PCDH8: variants seen among roughly 807,000 people sequenced by gnomAD.
The protein encoded by PCDH8 is protocadherin 8.
Under a neutral mutation model 58.2 loss-of-function variants are expected in PCDH8, and 36 were observed. The observed-to-expected ratio is 0.62, with a 90% CI of 0.47 to 0.82. PCDH8 has a LOEUF of 0.82. PCDH8 is among the 40% of genes least tolerant of loss of function. The pLI, the probability that PCDH8 is intolerant of heterozygous loss-of-function variation, is 0.00. For synonymous variants in PCDH8, 775 were observed against 728.9 expected, an observed-to-expected ratio of 1.06 and a Z score of -1.02; for missense variants, 1,493 against 1,567.8, an observed-to-expected ratio of 0.95 and a Z score of 0.81.
Position 52,846,933 on chromosome 13 carries a change from A to G in PCDH8, c.1504T>C (p.Tyr502His). Reference protein sequence around the residue: ...DNAPLFTRPVYEVSVRENNPP... With the variant: ...DNAPLFTRPVHEVSVRENNPP... ...TTGTTCTCGCGCACCGACACCTCAT[A>G]GACCGGCCGCGTGAAGAGCGGCGCG... The change falls in exon 1 of 3, where the codon TAT becomes CAT. Residue 502 changes from tyrosine to histidine, a missense_variant. This residue lies in a region of PCDH8 where 1,307 missense variants were observed against 1,362.7 expected (regional missense o/e 0.96). Coordinates refer to ENST00000377942, the MANE Select transcript of PCDH8 (RefSeq NM_002590.4). The G allele has an allele frequency of 6.3e-7, 1 of 1,595,072 alleles. No homozygotes were observed. The highest frequency in any genetic ancestry group is 8.5e-7 in the Non-Finnish European group (1 of 1,173,676).
Position 52,847,179 on chromosome 13 carries a change from C to T in PCDH8, c.1258G>A (p.Asp420Asn). ...CGCACTTGCCCGTTGGCGCCCGAGT[C>T]CCTGTCCGAGGTGCTGACCAGGGCC... ...LVALVSTSDR[D>N]SGANGQVRCA... Residue 420 changes from aspartate to asparagine, a missense_variant, in exon 1 of 3, where the codon GAC becomes AAC. Around this residue, in one of 3 missense-constraint regions of PCDH8, gnomAD observed 1,307 missense variants for 1,362.7 expected, o/e 0.96. Transcript: ENST00000377942. 6.7e-7 allele frequency: 1 copy of T among 1,488,934 alleles called. No homozygotes were observed. Among genetic ancestry groups the T allele is most frequent in the Non-Finnish European group, 8.9e-7 (1 of 1,127,994 alleles). 92.2% of individuals were successfully genotyped at this position (1,488,934 alleles called of 1,614,324 possible).
At position 52,846,894 on chromosome 13, in the gene PCDH8, A is replaced by G; in HGVS notation, c.1543T>C (p.Tyr515His). Residue 515 changes from tyrosine (Y) to histidine (H), a missense_variant, in exon 1 of 3, where the codon TAC becomes CAC. Transcript: ENST00000377942. ...TCGCGGGCGGCCACCGTGGCCAGGT[A>G]GGCGCCTGGCGGGTTGTTCTCGCGC... is the stretch of plus-strand genomic sequence containing the variant. ...SVRENNPPGA[Y>H]LATVAARDRD... 1 of 1,571,030 alleles carries G rather than the reference A, an allele frequency of 6.4e-7. No homozygotes were observed. Among genetic ancestry groups the G allele is most frequent in the South Asian group, 1.2e-5 (1 of 86,770 alleles).
At position 52,843,560 on chromosome 13, in the gene PCDH8, A is replaced by G. The variant is rs1593423390; in HGVS notation, c.*1000T>C. 1 of 152,186 alleles carries G rather than the reference A, an allele frequency of 6.6e-6. No homozygotes were observed. The highest frequency in any genetic ancestry group is 2.4e-5 in the African/African-American group (1 of 41,454). 9.4% of individuals were successfully genotyped at this position (152,186 alleles called of 1,614,324 possible). ...AGTCTTTTTGATACTAACACCCCGA[A>G]TAAGCTGAGGGCTCTTTGGGACTAC... is the stretch of plus-strand genomic sequence containing the variant. On this transcript the variant is annotated 3_prime_UTR_variant, in exon 3 of 3. Coordinates refer to ENST00000377942, the MANE Select transcript of PCDH8 (RefSeq NM_002590.4).
rs1205787441 is a variant in PCDH8, at chr13:52,846,332, G to A, written c.2105C>T (p.Thr702Ile). ...ISDGGRPPLTTTATVSFVVTA... is the reference protein window; with the variant it reads ...ISDGGRPPLTITATVSFVVTA... ...TACCACGAAGCTGACAGTTGCGGTG[G>A]TGGTGAGCGGGGGACGGCCGCCGTC... Residue 702 changes from threonine (T) to isoleucine (I), a missense_variant, in exon 1 of 3, where the codon ACC (threonine) becomes ATC (isoleucine). By Grantham distance (89) the Thr-to-Ile change is moderately conservative. Around this residue, in one of 3 missense-constraint regions of PCDH8, gnomAD observed 1,307 missense variants for 1,362.7 expected, o/e 0.96. Coordinates refer to ENST00000377942, the MANE Select transcript of PCDH8 (RefSeq NM_002590.4). 1 of 1,568,010 alleles carries A rather than the reference G, an allele frequency of 6.4e-7. No homozygotes were observed. The highest frequency in any genetic ancestry group is 2.3e-5 in the East Asian group (1 of 44,004).
intron 1 of PCDH8, 73 bp from the exon 2 acceptor site, chr13:52,845,705 G>C: frequency 6.4e-7 from 1 of 1,555,144 alleles, no homozygotes; most frequent in Non-Finnish European, 8.7e-7. Flanking sequence ...AAGTGCGACA[G>C]GTTGTCTACC....
chr13:52,844,853 C>T lies in PCDH8; in HGVS notation c.2920G>A (p.Ala974Thr), dbSNP rs141509995. 1.1e-5 allele frequency: 18 copies of T among 1,602,434 alleles called. No homozygotes were observed. Among genetic ancestry groups the T allele is most frequent in the African/African-American group, 9.3e-5 (7 of 74,928 alleles). ...CWSPSCSGPNAHPSPHPPAQM... is the reference protein window; with the variant it reads ...CWSPSCSGPNTHPSPHPPAQM... ...GCTGGTGGGTGAGGCGATGGATGTGCGTTGGGCCCGCTGCAGGATGGGCTC... is the reference window on the plus strand; with the variant it reads ...GCTGGTGGGTGAGGCGATGGATGTGTGTTGGGCCCGCTGCAGGATGGGCTC... The change falls in exon 3 of 3, where the codon GCA (alanine) becomes ACA (threonine). Residue 974 changes from alanine (A) to threonine (T), a missense_variant. By Grantham distance (58) the Ala-to-Thr change is moderately conservative. This residue lies in a region of PCDH8 where 182 missense variants were observed against 178.9 expected (regional missense o/e 1.02). Coordinates refer to ENST00000377942, the MANE Select transcript of PCDH8 (RefSeq NM_002590.4).
chr13:52,845,450 C>CT lies in PCDH8; in HGVS notation c.2813dup (p.Asp939GlyfsTer16). On this transcript the variant is annotated frameshift_variant, in exon 2 of 3. Coordinates refer to ENST00000377942, the MANE Select transcript of PCDH8 (RefSeq NM_002590.4). LOFTEE classifies it high-confidence loss of function. ...CACTCTGCATGTGGTTGATGAGATC[C>CT]TTTTTCAGAGCGTCCCCGCTGATGT... 6.2e-7 allele frequency: 1 copy of CT among 1,614,188 alleles called. No homozygotes were observed. Among genetic ancestry groups the CT allele is most frequent in the Non-Finnish European group, 8.5e-7 (1 of 1,180,036 alleles).
chr13:52,846,214 C>T lies in PCDH8; in HGVS notation c.2223G>A (p.Gly741=). Residue 741 remains glycine (G), a synonymous_variant, in exon 1 of 3, where the codon GGG becomes GGA. Coordinates refer to ENST00000377942, the MANE Select transcript of PCDH8 (RefSeq NM_002590.4). ...GCGGCGTGTCCCATTGCAGCACCGA[C>T]CCGGACACCCCGAGCCGAGAGCCAG... ...RPPGSRLGVS[G]SVLQWDTPLI... 6.3e-7 allele frequency: 1 copy of T among 1,586,604 alleles called. No homozygotes were observed. Among genetic ancestry groups the T allele is most frequent in the African/African-American group, 1.4e-5 (1 of 74,022 alleles).
chr13:52,847,858 C>A lies in PCDH8; in HGVS notation c.579G>T (p.Gln193His). The A allele has an allele frequency of 6.6e-7, 1 of 1,511,704 alleles. No individual in the cohort carries two copies. The highest frequency in any genetic ancestry group is 8.8e-7 in the Non-Finnish European group (1 of 1,134,820). 93.6% of individuals were successfully genotyped at this position (1,511,704 alleles called of 1,614,324 possible). A position where few individuals can be genotyped will look rare whatever the true frequency, so the allele number is the denominator to read the frequency against. Residue 193 changes from glutamine to histidine, a missense_variant, in exon 1 of 3, where the codon CAG (glutamine) becomes CAT (histidine). By Grantham distance (24) the Gln-to-His change is conservative. Coordinates refer to ENST00000377942, the MANE Select transcript of PCDH8 (RefSeq NM_002590.4). The stretch of plus-strand genomic sequence containing the variant: ...CCTGCAGCAGCACCAGGTCTGCGCA[C>A]TGAGCGCCGTCCGCTCGCGTCTGCA... ...VELQTRADGA[Q>H]CADLVLLQEL...
chr13:52,847,009 C>A lies in PCDH8; in HGVS notation c.1428G>T (p.Pro476=), dbSNP rs974795440. ...CCGTGTAGGGCCGCACTGTGCGCAGCGGGGGCGCGCCGCGATCCTCGGCCA... is the reference window on the plus strand; with the variant it reads ...CCGTGTAGGGCCGCACTGTGCGCAGAGGGGGCGCGCCGCGATCCTCGGCCA... ...TLVAEDRGAP[P]LRTVRPYTVR... The change falls in exon 1 of 3, where the codon CCG becomes CCT. Residue 476 remains proline (P), a synonymous_variant. Transcript: ENST00000377942. The A allele has an allele frequency of 6.4e-7, 1 of 1,569,188 alleles. No individual in the cohort carries two copies. Among genetic ancestry groups the A allele is most frequent in the Non-Finnish European group, 8.6e-7 (1 of 1,161,486 alleles).
chr13:52,848,028 T>C lies in PCDH8; in HGVS notation c.409A>G (p.Arg137Gly). 1 of 1,611,358 alleles carries C rather than the reference T, an allele frequency of 6.2e-7. No homozygotes were observed. Among genetic ancestry groups the C allele is most frequent in the Non-Finnish European group, 8.5e-7 (1 of 1,178,652 alleles). The change falls in exon 1 of 3, where the codon AGG (arginine) becomes GGG (glycine). Residue 137 changes from arginine to glycine, a missense_variant. Around this residue, in one of 3 missense-constraint regions of PCDH8, gnomAD observed 1,307 missense variants for 1,362.7 expected, o/e 0.96. Coordinates refer to ENST00000377942, the MANE Select transcript of PCDH8 (RefSeq NM_002590.4). ...DVNDHAPRFPRAQIPVEVSEG... is the reference protein window; with the variant it reads ...DVNDHAPRFPGAQIPVEVSEG... ...GACACCTCTACCGGGATCTGGGCCC[T>C]GGGGAAGCGCGGCGCGTGGTCGTTG...
In PCDH8 at chr13:52,847,399, G is replaced by A. The variant is rs748227039; in HGVS notation, c.1038C>T (p.Asp346=). The change falls in exon 1 of 3, where the codon GAC becomes GAT. Residue 346 remains aspartate, a synonymous_variant. Transcript: ENST00000377942. The part of the protein sequence containing the change: ...ATCKVIVRIR[D]VNDNAPDIAI... ...CGATGTCGGGTGCGTTGTCATTGAC[G>A]TCTCGGATGCGCACGATGACCTTGC... The A allele has an allele frequency of 9.6e-6, 15 of 1,562,484 alleles. No individual in the cohort carries two copies. The highest frequency in any genetic ancestry group is 1.3e-5 in the Non-Finnish European group (15 of 1,162,258).
chr13:52,846,177 T>C lies in PCDH8; in HGVS notation c.2260A>G (p.Ile754Val), dbSNP rs2138354216. Residue 754 changes from isoleucine (I) to valine (V), a missense_variant, in exon 1 of 3, where the codon ATC becomes GTC. Physicochemically the swap from Ile to Val is conservative, Grantham distance 29. This residue lies in a region of PCDH8 where 1,307 missense variants were observed against 1,362.7 expected (regional missense o/e 0.96). Transcript: ENST00000377942. ...LQWDTPLIVI[I>V]VLAGSCTLLL... ...AGCGTGCAGCTCCCGGCCAGCACGATGATGACGATCAGCGGCGTGTCCCAT... is the reference window on the plus strand; with the variant it reads ...AGCGTGCAGCTCCCGGCCAGCACGACGATGACGATCAGCGGCGTGTCCCAT... The C allele has an allele frequency of 6.3e-7, 1 of 1,586,998 alleles. No individual in the cohort carries two copies. Among genetic ancestry groups the C allele is most frequent in the East Asian group, 2.3e-5 (1 of 43,622 alleles).
Position 52,846,692 on chromosome 13 carries a change from C to T in PCDH8, c.1745G>A (p.Ser582Asn). The T allele has an allele frequency of 6.2e-7, 1 of 1,600,262 alleles. No homozygotes were observed. The highest frequency in any genetic ancestry group is 8.5e-7 in the Non-Finnish European group (1 of 1,177,212). ...GGAAAGCTGAGGGGAGCCGCCGTCG[C>T]TAGCTTGGATGCGAACGTCGAGTTG... is the stretch of plus-strand genomic sequence containing the variant. ...LRQLDVRIQA[S>N]DGGSPQLSSS... is the part of the protein sequence containing the mutation. Residue 582 changes from serine to asparagine, a missense_variant, in exon 1 of 3, where the codon AGC (serine) becomes AAC (asparagine). Ser to Asn is a conservative substitution (Grantham distance 46). Around this residue, in one of 3 missense-constraint regions of PCDH8, gnomAD observed 1,307 missense variants for 1,362.7 expected, o/e 0.96. Coordinates refer to ENST00000377942, the MANE Select transcript of PCDH8 (RefSeq NM_002590.4).
At position 52,845,913 on chromosome 13, in the gene PCDH8, G is replaced by A. The variant is rs1389091723; in HGVS notation, c.2524C>T (p.Pro842Ser). ...GGCACTTCGGCCGCGGCGACCGCAG[G>A]CGGAGGCGCGTCCGCCGCGGGGCTG... ...FGSPAADAPP[P>S]AVAAAEVPGS... The change falls in exon 1 of 3, where the codon CCT (proline) becomes TCT (serine). Residue 842 changes from proline to serine, a missense_variant. Pro to Ser is a moderately conservative substitution (Grantham distance 74). This residue lies in a region of PCDH8 where 1,307 missense variants were observed against 1,362.7 expected (regional missense o/e 0.96). Coordinates refer to ENST00000377942, the MANE Select transcript of PCDH8 (RefSeq NM_002590.4). 6.1e-6 allele frequency: 9 copies of A among 1,477,594 alleles called. No individual in the cohort carries two copies. Among genetic ancestry groups the A allele is most frequent in the African/African-American group, 1.5e-5 (1 of 67,536 alleles). 91.5% of individuals were successfully genotyped at this position (1,477,594 alleles called of 1,614,324 possible).
Position 52,846,133 on chromosome 13 carries a change from G to T in PCDH8, c.2304C>A (p.Ile768=). 1 of 1,582,370 alleles carries T rather than the reference G, an allele frequency of 6.3e-7. No individual in the cohort carries two copies. Among genetic ancestry groups the T allele is most frequent in the South Asian group, 1.1e-5 (1 of 88,828 alleles). ...GSCTLLLAAI[I]AIATTCNRRK... is the part of the protein sequence containing the mutation. ...GGCGGTTGCAGGTGGTGGCGATGGC[G>T]ATGATGGCGGCCAGCAGCAGCGTGC... Residue 768 remains isoleucine, a synonymous_variant, in exon 1 of 3, where the codon ATC becomes ATA. Transcript: ENST00000377942.
intron 1 of PCDH8, 72 bp from the exon 2 acceptor site, chr13:52,845,704 A>T (rs1965718431): frequency 6.4e-7 from 1 of 1,556,962 alleles, no homozygotes; most frequent in Non-Finnish European, 8.7e-7. Flanking sequence ...CAAGTGCGAC[A>T]GGTTGTCTAC....
rs112178835 is a variant in PCDH8, at chr13:52,848,466, C to T, written c.-30G>A. 4.0e-3 allele frequency: 6,199 copies of T among 1,545,062 alleles called. 15 individuals carry two copies. Among genetic ancestry groups the T allele is most frequent in the Non-Finnish European group, 4.8e-3 (5,566 of 1,151,276 alleles). ...CCAGCCTCAAGTGCGATCCGAAAGGCTAAGGAAGTCTTCTCTGGTTTCCAG... is the reference window on the plus strand; with the variant it reads ...CCAGCCTCAAGTGCGATCCGAAAGGTTAAGGAAGTCTTCTCTGGTTTCCAG... On this transcript the variant is annotated 5_prime_UTR_variant, in exon 1 of 3. Coordinates refer to ENST00000377942, the MANE Select transcript of PCDH8 (RefSeq NM_002590.4).
At position 52,847,096 on chromosome 13, in the gene PCDH8, G is replaced by GTA; in HGVS notation, c.1339_1340dup (p.Leu448ThrfsTer4). 6.4e-7 allele frequency: 1 copy of GTA among 1,565,852 alleles called. No individual in the cohort carries two copies. The highest frequency in any genetic ancestry group is 8.6e-7 in the Non-Finnish European group (1 of 1,161,826). ...CCAGCGACGCCGCGGTCACCACCAG[G>GTA]TAGCTGCCCGCGTAGGCCGGCTGCA... On this transcript the variant is annotated frameshift_variant, in exon 1 of 3. Coordinates refer to ENST00000377942, the MANE Select transcript of PCDH8 (RefSeq NM_002590.4). LOFTEE classifies it high-confidence loss of function.
Sources: gnomAD v4.1 joint callset for allele counts on GRCh38, gnomAD v4.1.1 for gene constraint, gnomAD v4.1.1 regional missense constraint, MANE v1.5 for transcripts, NCBI Gene and HGNC (gene_info 2026-07-23, HGNC 2026-07-21) for gene names.